The following PTPN9 variants were observed in gnomAD, a reference collection of about 807,000 sequenced individuals.
The protein encoded by PTPN9 is tyrosine-protein phosphatase non-receptor type 9.
Under a neutral mutation model 69.8 loss-of-function variants are expected in PTPN9, and 26 were observed. That is an observed-to-expected ratio of 0.37 (90% CI 0.27 to 0.52). The LOEUF is 0.52. Ranked by LOEUF, PTPN9 falls within the 20% of genes least tolerant of loss-of-function variation. PTPN9 has a pLI of 0.91. For missense variants in PTPN9, 549 were observed against 740.3 expected (o/e 0.74, Z 3.00); for synonymous variants, 274 against 272.5 (o/e 1.01, Z -0.05).
intron 3 of PTPN9, 28 bp downstream of exon 3, chr15:75,524,181 C>G (rs927864341): frequency 5.8e-6 from 8 of 1,388,482 alleles, no homozygotes; most frequent in Non-Finnish European, 8.0e-6. Flanking sequence ...GTAATAAGGC[C>G]CTACAAGATA....
intron 1 of PTPN9, among the ~76,000 whole-genome samples, chr15:75,556,036 CA>C (rs75583219): frequency 0.025 from 1,103 of 43,292 alleles, 1 homozygote; most frequent in African/African-American, 0.046. Flanking sequence ...ACCCCCGTCT[CA>C]AAAAAAAAAA....
chr15:75,510,477 T>G (rs1258942720), intron 5 of PTPN9, among the ~76,000 whole-genome samples: 2 of 152,184 alleles, frequency 1.3e-5, no homozygotes, highest in East Asian at 3.8e-4. Context: ...TCTCAAGTGA[T>G]CCTCCTACCT....
chr15:75,517,457 G>A (rs913570727), intron 4 of PTPN9, 93 bp from the exon 5 acceptor site: 2 of 905,922 alleles, frequency 2.2e-6, no homozygotes, highest in Non-Finnish European at 1.7e-6. Flanking sequence ...CTGAGAGTAT[G>A]AGACACATCT....
intron 8 of PTPN9, among the ~76,000 whole-genome samples, chr15:75,484,472 A>G (rs1464545865): frequency 6.6e-6 from 1 of 152,170 alleles, no homozygotes; most frequent in Non-Finnish European, 1.5e-5. Context: ...AGGCATCTCA[A>G]TGAACAGCTC....
chr15:75,560,778 T>G (rs1023669919), intron 1 of PTPN9, among the ~76,000 whole-genome samples: 1 of 152,128 alleles, frequency 6.6e-6, no homozygotes, highest in Non-Finnish European at 1.5e-5. Flanking sequence ...CCCAGCACTT[T>G]GGGAGGCCAA....
chr15:75,560,703 T>C (rs1200630367), intron 1 of PTPN9, among the ~76,000 whole-genome samples: 1 of 151,916 alleles, frequency 6.6e-6, no homozygotes, highest in East Asian at 1.9e-4. Context: ...GAGACACCCA[T>C]CTATATTTTG....
Position 75,505,731 on chromosome 15 carries a change from A to G in PTPN9, c.912T>C (p.Tyr304=), listed in dbSNP as rs1328117883. ...CACGACGAATGTCTTCATATTCCTC[A>G]TAGATTCCTTGCTTTTGCCTGGCAT... ...YVNARQKQGI[Y]EEYEDIRREN... is the part of the protein sequence containing the mutation. The change falls in exon 7 of 13, where the codon TAT becomes TAC. Residue 304 remains tyrosine (Y), a synonymous_variant. Coordinates refer to ENST00000618819, the MANE Select transcript of PTPN9 (RefSeq NM_002833.4). 1.9e-6 allele frequency: 3 copies of G among 1,613,958 alleles called. No individual in the cohort carries two copies. The highest frequency in any genetic ancestry group is 2.5e-6 in the Non-Finnish European group (3 of 1,179,966).
At chr15:75,527,018 AG>A in intron 2 of PTPN9, 99 bp downstream of exon 2, 1 of 1,431,838 alleles carries the variant, frequency 7.0e-7, no homozygotes, top group Non-Finnish European at 9.7e-7. Flanking sequence ...GAAAGTGAGG[AG>A]GAACACTTAG....
intron 1 of PTPN9, among the ~76,000 whole-genome samples, chr15:75,531,054 A>G (rs1165438835): frequency 6.7e-6 from 1 of 149,442 alleles, no homozygotes; most frequent in Non-Finnish European, 1.5e-5. Flanking sequence ...TCAAATTGCT[A>G]CACACTATTT....
chr15:75,552,022 A>G (rs1278668669), intron 1 of PTPN9, among the ~76,000 whole-genome samples: 3 of 151,266 alleles, frequency 2.0e-5, no homozygotes, highest in Non-Finnish European at 4.4e-5. Flanking sequence ...AGCCCGGGTG[A>G]CAGAGTGAGA....
intron 1 of PTPN9, among the ~76,000 whole-genome samples, chr15:75,559,480 G>T (rs568841538): frequency 6.6e-6 from 1 of 152,162 alleles, no homozygotes; most frequent in African/African-American, 2.4e-5. Flanking sequence ...CCCCCAGCCC[G>T]ATGCTCTCTG....
Position 75,463,345 on chromosome 15 carries a change from C to G in PTPN9, c.*5424G>C, listed in dbSNP as rs1453320617. ...AAGAGCCCCCAGATGAAATGGCTGA[C>G]CTTTACTCAGGTGCACATCTGGCCA... On this transcript the variant is annotated 3_prime_UTR_variant, in exon 13 of 13. Transcript: ENST00000618819. The G allele has an allele frequency of 6.6e-6, 1 of 152,112 alleles. No homozygotes were observed. Among genetic ancestry groups the G allele is most frequent in the Non-Finnish European group, 1.5e-5 (1 of 68,022 alleles). 9.4% of individuals were successfully genotyped at this position (152,112 alleles called of 1,614,324 possible).
At position 75,578,755 on chromosome 15, in the gene PTPN9, G is replaced by A. The variant is rs1284758946; in HGVS notation, c.22C>T (p.Arg8Trp). 6 of 1,294,768 alleles carry A rather than the reference G, an allele frequency of 4.6e-6. No homozygotes were observed. The East Asian group carries it at 1.6e-4, about 35-fold the overall frequency. 80.2% of individuals were successfully genotyped at this position (1,294,768 alleles called of 1,614,324 possible). Reference sequence around the variant, plus strand: ...GTCAGCTCCGGCGCCATGTCGGGCCGGGGCGCGGTCGCGGGCTCCATCCCC... The same window carrying A: ...GTCAGCTCCGGCGCCATGTCGGGCCAGGGCGCGGTCGCGGGCTCCATCCCC... MEPATAP[R>W]PDMAPELTPE... The change falls in exon 1 of 13, where the codon CGG becomes TGG. Residue 8 changes from arginine (R) to tryptophan (W), a missense_variant. Coordinates refer to ENST00000618819, the MANE Select transcript of PTPN9 (RefSeq NM_002833.4).
chr15:75,494,131 C>CATATATATATAT (rs71140166), intron 7 of PTPN9, among the ~76,000 whole-genome samples: 139 of 143,496 alleles, frequency 9.7e-4, no homozygotes, highest in African/African-American at 3.1e-3. Context: ...TTATCAATCC[C>CATATATATATAT]ATATATATAT....
intron 1 of PTPN9, among the ~76,000 whole-genome samples, chr15:75,540,220 A>G (rs552835155): frequency 6.6e-6 from 1 of 152,334 alleles, no homozygotes; most frequent in African/African-American, 2.4e-5. Flanking sequence ...ATGAAAGAAA[A>G]GGGAATAGAG....
At chr15:75,500,514 G>A (rs2074767191) in intron 7 of PTPN9, among the ~76,000 whole-genome samples, 1 of 152,046 alleles carries the variant, frequency 6.6e-6, no homozygotes, top group African/African-American at 2.4e-5. Context: ...CTCCAGCCTG[G>A]GTGATGGAGT....
chr15:75,530,431 A>C (rs1485509232), intron 1 of PTPN9, among the ~76,000 whole-genome samples: 2 of 108,758 alleles, frequency 1.8e-5, no homozygotes, highest in African/African-American at 3.5e-5. Flanking sequence ...TTATATTATA[A>C]TATATAATAT....
At chr15:75,505,432 A>T (rs1322970141) in intron 7 of PTPN9, among the ~76,000 whole-genome samples, 1 of 150,160 alleles carries the variant, frequency 6.7e-6, no homozygotes, top group Admixed American at 6.7e-5. Flanking sequence ...CCCCTCTGCG[A>T]GAAACACCCA....
chr15:75,511,139 C>T (rs776701492), intron 5 of PTPN9, among the ~76,000 whole-genome samples: 4 of 152,106 alleles, frequency 2.6e-5, no homozygotes, highest in Non-Finnish European at 5.9e-5. Flanking sequence ...GGGTTGTTTC[C>T]ACTTGTACAC....
Sources: allele counts gnomAD v4.1 joint callset (sites outside exome capture counted in the v4.1 genomes callset), GRCh38; gene constraint gnomAD v4.1.1; transcripts MANE v1.5; gene names NCBI Gene and HGNC (gene_info 2026-07-23, HGNC 2026-07-21).